NRG2: variants seen among roughly 807,000 people sequenced by gnomAD.
NRG2 encodes pro-neuregulin-2, membrane-bound isoform.
A neutral mutation model predicts 73.9 loss-of-function variants in NRG2; 27 were observed. That is an observed-to-expected ratio of 0.37 (90% CI 0.27 to 0.50). The LOEUF (loss-of-function observed/expected upper bound fraction) is 0.50, where lower values mean the gene tolerates loss of function less well. Among genes scored for constraint, NRG2 ranks in the 20% least tolerant of loss-of-function variants. The pLI is 0.96. For missense variants in NRG2, 1,126 were observed against 1,210.1 expected, an observed-to-expected ratio of 0.93 and a Z score of 1.03; for synonymous variants, 532 against 541.0, an observed-to-expected ratio of 0.98 and a Z score of 0.23.
intron 1 of NRG2, among the ~76,000 whole-genome samples, chr5:140,000,692 T>C (rs1460218827): frequency 1.3e-5 from 2 of 152,154 alleles, no homozygotes; most frequent in South Asian, 2.1e-4. Context: ...CTCGAAAATG[T>C]TCCCCAGGCA....
chr5:139,906,255 C>G (rs1765218011), intron 1 of NRG2, among the ~76,000 whole-genome samples: 1 of 152,128 alleles, frequency 6.6e-6, no homozygotes, highest in African/African-American at 2.4e-5. Flanking sequence ...ATCCGCCTGC[C>G]TCAGCCTCTC....
Position 139,904,589 on chromosome 5 carries a change from G to A in NRG2, c.701-17078C>T, listed in dbSNP as rs796293476. On this transcript the variant is annotated intron_variant, in intron 1 of 9. Coordinates refer to ENST00000361474, the MANE Select transcript of NRG2 (RefSeq NM_004883.3). The surrounding 1 kb of genome is among the most constrained non-coding windows in gnomAD (Gnocchi z 6.0). ...ACCCTCGCCCCCCCTCCACCGGCTC[G>A]GGCCGCGGGGGCGTGTGGGCGGCCG... Among the ~76,000 whole-genome samples, 1 of 151,990 alleles carries A rather than the reference G, an allele frequency of 6.6e-6. No homozygotes were observed. The highest frequency in any genetic ancestry group is 1.5e-5 in the Non-Finnish European group (1 of 67,930).
intron 1 of NRG2, among the ~76,000 whole-genome samples, chr5:140,023,002 C>T (rs535758138): frequency 6.6e-6 from 1 of 152,224 alleles, no homozygotes; most frequent in Non-Finnish European, 1.5e-5. Flanking sequence ...CCTAGTTTAC[C>T]TGCCTCTTCC....
chr5:140,015,078 C>T (rs755315835), intron 1 of NRG2, among the ~76,000 whole-genome samples: 56 of 152,208 alleles, frequency 3.7e-4, no homozygotes, highest in Non-Finnish European at 6.6e-4. Flanking sequence ...TCTAATGTCA[C>T]GTTGTAATTT....
intron 1 of NRG2, among the ~76,000 whole-genome samples, chr5:139,983,431 G>A (rs1756955885): frequency 6.6e-6 from 1 of 152,192 alleles, no homozygotes; most frequent in South Asian, 2.1e-4. Flanking sequence ...ATCTGGATCT[G>A]CTCCTCTTCC....
At chr5:139,888,306 G>C (rs1340162473) in intron 1 of NRG2, among the ~76,000 whole-genome samples, 1 of 152,194 alleles carries the variant, frequency 6.6e-6, no homozygotes, top group African/African-American at 2.4e-5. Flanking sequence ...TACTGACACT[G>C]ATGGTGCAGA....
At chr5:139,947,770 T>C (rs1196550237) in intron 1 of NRG2, among the ~76,000 whole-genome samples, 2 of 152,230 alleles carry the variant, frequency 1.3e-5, no homozygotes, top group African/African-American at 4.8e-5. Context: ...GGTATATCAT[T>C]GTGGTTCTGA....
At chr5:139,888,643 C>G (rs1764024365) in intron 1 of NRG2, among the ~76,000 whole-genome samples, 2 of 152,142 alleles carry the variant, frequency 1.3e-5, no homozygotes, top group African/African-American at 4.8e-5. Flanking sequence ...GAACAGGGGT[C>G]CCCTCATTGA....
chr5:139,985,233 G>A (rs1013237203), intron 1 of NRG2, among the ~76,000 whole-genome samples: 2 of 151,642 alleles, frequency 1.3e-5, no homozygotes, highest in African/African-American at 4.9e-5. Flanking sequence ...CCAGCTACTC[G>A]AGAGGCTGAG....
intron 3 of NRG2, among the ~76,000 whole-genome samples, chr5:139,877,285 C>G (rs912568190): frequency 6.6e-6 from 1 of 152,228 alleles, no homozygotes; most frequent in African/African-American, 2.4e-5. Context: ...ATAAGGAAGG[C>G]CTACTCTAAT....
chr5:139,900,919 C>T (rs1455426124), intron 1 of NRG2, among the ~76,000 whole-genome samples: 1 of 152,224 alleles, frequency 6.6e-6, no homozygotes, highest in East Asian at 1.9e-4. Flanking sequence ...GACTTTGCTT[C>T]CAAAAAGCTG....
chr5:139,953,870 G>A (rs1429653152), intron 1 of NRG2, among the ~76,000 whole-genome samples: 4 of 152,272 alleles, frequency 2.6e-5, no homozygotes, highest in African/African-American at 9.6e-5. Flanking sequence ...GGGAGAAAAT[G>A]TAGAAAGAGG....
At chr5:139,900,264 C>G (rs1352734499) in intron 1 of NRG2, among the ~76,000 whole-genome samples, 1 of 152,230 alleles carries the variant, frequency 6.6e-6, no homozygotes, top group East Asian at 1.9e-4. Context: ...AAGGATCTGT[C>G]TCTCTGAGCT....
At chr5:140,028,982 T>C (rs76742666) in intron 1 of NRG2, among the ~76,000 whole-genome samples, 14,515 of 152,150 alleles carry the variant, frequency 0.095, 764 homozygotes, top group African/African-American at 0.12. Context: ...CAGATGAAAT[T>C]CCAGCCAGAA....
chr5:139,900,477 A>G (rs1245445200), intron 1 of NRG2, among the ~76,000 whole-genome samples: 1 of 152,220 alleles, frequency 6.6e-6, no homozygotes, highest in East Asian at 1.9e-4. Context: ...GCTTCCCACC[A>G]AGTTACAAAG....
chr5:140,006,266 G>A (rs180931011), intron 1 of NRG2, among the ~76,000 whole-genome samples: 1 of 152,294 alleles, frequency 6.6e-6, no homozygotes, highest in Non-Finnish European at 1.5e-5. Flanking sequence ...AATGGAGATT[G>A]TTCAGCTTCG....
At position 139,856,699 on chromosome 5, in the gene NRG2, C is replaced by T. The variant is rs1314293715; in HGVS notation, c.1190-921G>A. On this transcript the variant is annotated intron_variant, in intron 5 of 9. Coordinates refer to ENST00000361474, the MANE Select transcript of NRG2 (RefSeq NM_004883.3). The surrounding 1 kb of genome is among the most constrained non-coding windows in gnomAD (Gnocchi z 4.2). ...GCATATCCTGTGGCAAAGGTGTACA[C>T]ACCAGGAAACACCCAGGGCTACAAA... 1.3e-5 allele frequency among the ~76,000 whole-genome samples: 2 copies of T among 152,188 alleles called. No homozygotes were observed. Among genetic ancestry groups the T allele is most frequent in the African/African-American group, 2.4e-5 (1 of 41,448 alleles).
chr5:139,943,002 G>C (rs1363352053), intron 1 of NRG2, among the ~76,000 whole-genome samples: 1 of 152,140 alleles, frequency 6.6e-6, no homozygotes, highest in African/African-American at 2.4e-5. Flanking sequence ...CACCACGCCT[G>C]GCTAGTTTTT....
intron 1 of NRG2, among the ~76,000 whole-genome samples, chr5:139,947,301 C>G (rs191227909): frequency 6.9e-4 from 105 of 152,302 alleles, no homozygotes; most frequent in African/African-American, 2.5e-3. Context: ...TCTGCCTATT[C>G]TGGACATTTC....
Sources: allele counts gnomAD v4.1 joint callset (sites outside exome capture counted in the v4.1 genomes callset), GRCh38; gene constraint gnomAD v4.1.1; non-coding constraint Gnocchi (gnomAD v3.1); transcripts MANE v1.5; gene names NCBI Gene and HGNC (gene_info 2026-07-23, HGNC 2026-07-21).